MMEL1: variants seen among roughly 807,000 people sequenced by gnomAD.
MMEL1 encodes the protein membrane metalloendopeptidase like 1, also known as membrane metallo-endopeptidase-like 1.
A neutral mutation model predicts 117.1 loss-of-function variants in MMEL1; 98 were observed. The observed-to-expected ratio is 0.84, with a 90% confidence interval of 0.71 to 0.99. MMEL1 has a LOEUF of 0.99. Ranked by LOEUF, MMEL1 falls within the 50% of genes least tolerant of loss-of-function variation. MMEL1 has a pLI of 0.00. For missense variants in MMEL1, 1,014 were observed against 1,049.1 expected (o/e 0.97, Z 0.46); for synonymous variants, 390 against 415.1 (o/e 0.94, Z 0.74).
intron 9 of MMEL1, among the ~76,000 whole-genome samples, chr1:2,604,883 C>T (rs1020993215): frequency 7.9e-5 from 12 of 152,172 alleles, no homozygotes; most frequent in Admixed American, 4.6e-4. Context: ...CCTGCTCTGG[C>T]GTGGTTCTCT....
chr1:2,592,881 C>A lies in MMEL1; in HGVS notation c.1953G>T (p.Met651Ile). The change falls in exon 20 of 24, where the codon ATG becomes ATT. Residue 651 changes from methionine (M) to isoleucine (I), a missense_variant. Coordinates refer to ENST00000378412, the MANE Select transcript of MMEL1 (RefSeq NM_033467.4). Reference sequence around the variant, plus strand: ...AGGAGTAGTTGCCGTACTGGTAGATCATGCACTCTGACTGCTCCCGGAAGT... The same window carrying A: ...AGGAGTAGTTGCCGTACTGGTAGATAATGCACTCTGACTGCTCCCGGAAGT... Reference protein sequence around the residue: ...TQHFREQSECMIYQYGNYSWD... With the variant: ...TQHFREQSECIIYQYGNYSWD... The A allele has an allele frequency of 6.2e-7, 1 of 1,613,818 alleles. No homozygotes were observed. Among genetic ancestry groups the A allele is most frequent in the Non-Finnish European group, 8.5e-7 (1 of 1,179,952 alleles).
rs528782006 is a variant in MMEL1, at chr1:2,592,782, G to A, written c.2001+51C>T. The A allele has an allele frequency of 1.1e-5, 18 of 1,611,770 alleles. No homozygotes were observed. The Admixed American group carries it at 1.8e-4, about 16-fold the overall frequency. The stretch of plus-strand genomic sequence containing the variant: ...CTGACTTCCCTCTCCCTCAGGGCCA[G>A]GGCTGGGGCTCCGGTACCCCCGCAG... On this transcript the variant is annotated intron_variant, in intron 20 of 23. Coordinates refer to ENST00000378412, the MANE Select transcript of MMEL1 (RefSeq NM_033467.4).
rs1211762294 is a variant in MMEL1 at position 2,612,341 on chromosome 1, C to T, written c.155-137G>A. 3 of 668,842 alleles carry T rather than the reference C, an allele frequency of 4.5e-6. No individual in the cohort carries two copies. The highest frequency in any genetic ancestry group is 7.7e-6 in the Non-Finnish European group (3 of 389,084). 41.4% of individuals were successfully genotyped at this position (668,842 alleles called of 1,614,324 possible). A position where few individuals can be genotyped will look rare whatever the true frequency, so the allele number is the denominator to read the frequency against. On this transcript the variant is annotated intron_variant, in intron 2 of 23. Transcript: ENST00000378412. The surrounding 1 kb of genome is among the most constrained non-coding windows in gnomAD (Gnocchi z 5.4). ...CCTACCCCTGTAGTGAGGGCTGGTC[C>T]CCAGGGCAGCGAGACAGGAGATCCA...
At chr1:2,606,918 C>T in intron 7 of MMEL1, 56 bp downstream of exon 7, 1 of 1,491,146 alleles carries the variant, frequency 6.7e-7, no homozygotes, top group Non-Finnish European at 9.3e-7. Flanking sequence ...CCGAAGGAGC[C>T]CTGGTCCTGG....
Position 2,598,711 on chromosome 1 carries a change from A to T in MMEL1, c.1121T>A (p.Val374Asp), listed in dbSNP as rs754765227. 1 of 1,614,116 alleles carries T rather than the reference A, an allele frequency of 6.2e-7. No individual in the cohort carries two copies. The highest frequency in any genetic ancestry group is 1.1e-5 in the South Asian group (1 of 91,086). The change falls in exon 12 of 24, where the codon GTC (valine) becomes GAC (aspartate). Residue 374 changes from valine to aspartate, a missense_variant. Physicochemically the swap from Val to Asp is radical, Grantham distance 152. Transcript: ENST00000378412. ...GTTCTGCAGGTAGGGGATGCCATAG[A>T]CCACCACTTCCTCATCTGGCAGCAG... ...IKLLPDEEVV[V>D]YGIPYLQNLE...
At chr1:2,602,936 G>A (rs72644701) in intron 11 of MMEL1, among the ~76,000 whole-genome samples, 17,768 of 152,126 alleles carry the variant, frequency 0.12, 1,289 homozygotes, top group Non-Finnish European at 0.16. Context: ...TCCCTCTCCC[G>A]CACCGGAACC....
At chr1:2,629,162 C>G (rs997204951) in intron 2 of MMEL1, among the ~76,000 whole-genome samples, 169 bp downstream of exon 2, 40 of 152,230 alleles carry the variant, frequency 2.6e-4, no homozygotes, top group Admixed American at 1.8e-3. Flanking sequence ...CCCGCCGCCT[C>G]TGAGTCCGCA....
At chr1:2,603,843 C>A (rs192581379) in intron 11 of MMEL1, 41 bp downstream of exon 11, 1 of 1,590,220 alleles carries the variant, frequency 6.3e-7, no homozygotes, top group Non-Finnish European at 8.6e-7. Context: ...CCACGAGTCT[C>A]CACCCGGCCA....
chr1:2,606,428 G>A, intron 7 of MMEL1, 62 bp from the exon 8 acceptor site: 1 of 1,337,732 alleles, frequency 7.5e-7, no homozygotes, highest in Non-Finnish European at 1.1e-6. Flanking sequence ...CCGGCCCCTT[G>A]TCGGTGAATC....
Position 2,591,963 on chromosome 1 carries a change from T to C in MMEL1, c.2132A>G (p.His711Arg), listed in dbSNP as rs760308175. 19 of 1,613,416 alleles carry C rather than the reference T, an allele frequency of 1.2e-5. No homozygotes were observed. Among genetic ancestry groups the C allele is most frequent in the Middle Eastern group, 3.3e-4 (2 of 6,060 alleles). ...ATAGTTGATGAAGAAGAGCTGCTCA[T>C]GGGTGAGATCCAGGCCGGGCAGCTG... The part of the protein sequence containing the change: ...DQQLPGLDLT[H>R]EQLFFINYAQ... Residue 711 changes from histidine (H) to arginine (R), a missense_variant, in exon 22 of 24, where the codon CAT becomes CGT. By Grantham distance (29) the His-to-Arg change is conservative (BLOSUM62 0). Coordinates refer to ENST00000378412, the MANE Select transcript of MMEL1 (RefSeq NM_033467.4).
intron 17 of MMEL1, 108 bp from the exon 18 acceptor site, chr1:2,594,551 G>GGAGAGGT: frequency 3.0e-6 from 4 of 1,335,256 alleles, no homozygotes; most frequent in Non-Finnish European, 4.2e-6. Context: ...CAGAGCAAGG[G>GGAGAGGT]CCCAGGCCTA....
At chr1:2,618,252 TTC>T (rs374059827) in intron 2 of MMEL1, among the ~76,000 whole-genome samples, 71 of 149,234 alleles carry the variant, frequency 4.8e-4, no homozygotes, top group Non-Finnish European at 6.0e-4. Flanking sequence ...CTGGCACCTC[TTC>T]TCTCTCTCTC....
chr1:2,594,660 T>C, intron 17 of MMEL1, 130 bp downstream of exon 17: 1 of 916,632 alleles, frequency 1.1e-6, no homozygotes, highest in Non-Finnish European at 1.7e-6. Flanking sequence ...ATAGGCCCAG[T>C]GACTGCACCC....
At chr1:2,608,818 A>G (rs1645075482) in intron 6 of MMEL1, among the ~76,000 whole-genome samples, 1 of 152,122 alleles carries the variant, frequency 6.6e-6, no homozygotes, top group African/African-American at 2.4e-5. Flanking sequence ...ACATATACAT[A>G]ACAACACACA....
At chr1:2,596,478 C>T (rs1482808610) in intron 14 of MMEL1, 83 bp downstream of exon 14, 19 of 1,537,934 alleles carry the variant, frequency 1.2e-5, no homozygotes, top group South Asian at 1.2e-4. Context: ...TGAGCCTGGG[C>T]GGGGTGGGAG....
Position 2,606,501 on chromosome 1 carries a change from G to C in MMEL1, c.632-135C>G. On this transcript the variant is annotated intron_variant, in intron 7 of 23. Coordinates refer to ENST00000378412, the MANE Select transcript of MMEL1 (RefSeq NM_033467.4). ...GGGAGCTCACCTGTGCGCCTTAGGG[G>C]CTGGGGGATGTGGGAGACACTTTCC... 4.7e-6 allele frequency: 3 copies of C among 643,968 alleles called. No individual in the cohort carries two copies. The South Asian group carries it at 5.6e-5, about 12-fold the overall frequency. The allele number at this position is 643,968 out of a possible 1,614,324, so 39.9% of individuals were successfully genotyped here. A position where few individuals can be genotyped will look rare whatever the true frequency, so the allele number is the denominator to read the frequency against.
rs1451330924 is a variant in MMEL1, at chr1:2,592,992, C to T, written c.1868-26G>A. ...CTGGGCAGGGGCAGAGGAGGGCTGC[C>T]CACATGCCCCTGGCTGCACTGTGCC... is the stretch of plus-strand genomic sequence containing the variant. On this transcript the variant is annotated intron_variant, in intron 19 of 23. Coordinates refer to ENST00000378412, the MANE Select transcript of MMEL1 (RefSeq NM_033467.4). 2.5e-6 allele frequency: 4 copies of T among 1,610,138 alleles called. No individual in the cohort carries two copies. The African/African-American group carries it at 5.3e-5, about 21-fold the overall frequency.
chr1:2,605,445 G>T, intron 9 of MMEL1, 113 bp downstream of exon 9: 1 of 890,926 alleles, frequency 1.1e-6, no homozygotes, highest in Non-Finnish European at 1.8e-6. Flanking sequence ...CTCCACAGGT[G>T]CTCACTAACA....
At chr1:2,601,155 C>T (rs1391234987) in intron 11 of MMEL1, among the ~76,000 whole-genome samples, 4 of 152,190 alleles carry the variant, frequency 2.6e-5, no homozygotes, top group Non-Finnish European at 4.4e-5. Flanking sequence ...ATTATCAAGA[C>T]ACTCTTGAAG....
Sources: gnomAD v4.1 joint callset for allele counts (sites outside exome capture counted in the v4.1 genomes callset) on GRCh38, gnomAD v4.1.1 for gene constraint, Gnocchi (gnomAD v3.1) non-coding constraint, MANE v1.5 for transcripts, NCBI Gene and HGNC (gene_info 2026-07-23, HGNC 2026-07-21) for gene names.